Variants in CDH23 observed in about 807,000 individuals in gnomAD.
CDH23 encodes cadherin-23.
Under a neutral mutation model 317.1 loss-of-function variants are expected in CDH23, and 189 were observed. That is an observed-to-expected ratio of 0.60 (90% CI 0.53 to 0.67). The LOEUF (loss-of-function observed/expected upper bound fraction) is 0.67. CDH23 is among the 30% of genes least tolerant of loss of function. CDH23 has a pLI of 0.00. For synonymous variants in CDH23, 1,839 were observed against 1,876.8 expected (o/e 0.98, Z 0.52); for missense variants, 4,401 against 4,592.4 (o/e 0.96, Z 1.20).
At chr10:71,557,441 G>T (rs573008107) in intron 6 of CDH23, among the ~76,000 whole-genome samples, 9 of 152,206 alleles carry the variant, frequency 5.9e-5, no homozygotes, top group Admixed American at 5.9e-4. Flanking sequence ...TTGATGTGGG[G>T]TGGGCATTGG....
chr10:71,401,392 G>C (rs1847775443), intron 1 of CDH23, among the ~76,000 whole-genome samples: 1 of 152,186 alleles, frequency 6.6e-6, no homozygotes, highest in Non-Finnish European at 1.5e-5. Flanking sequence ...CACTAGTGGA[G>C]TAGTTGGTGC....
rs1222389445 is a variant in CDH23, at chr10:71,695,500, C to A, written c.2372C>A (p.Thr791Asn). The A allele has an allele frequency of 6.2e-7, 1 of 1,613,230 alleles. No homozygotes were observed. The highest frequency in any genetic ancestry group is 1.1e-5 in the South Asian group (1 of 91,074). The change falls in exon 22 of 70, where the codon ACC (threonine) becomes AAC (asparagine). Residue 791 changes from threonine (T) to asparagine (N), a missense_variant. This residue lies in a region of CDH23 where 3,068 missense variants were observed against 3,203.3 expected (regional missense o/e 0.96). Transcript: ENST00000224721. ...APYYINLVEM[T>N]PPDSDVTTVV... Reference sequence around the variant, plus strand: ...TACTACATCAACCTGGTGGAGATGACCCCTCCAGACTCTGATGTGACCACG... The same window carrying A: ...TACTACATCAACCTGGTGGAGATGAACCCTCCAGACTCTGATGTGACCACG...
chr10:71,427,205 G>GAAAGAAAGAAAGAAAGAA (rs1849126679), intron 1 of CDH23, among the ~76,000 whole-genome samples: 1 of 70,134 alleles, frequency 1.4e-5, no homozygotes, highest in African/African-American at 6.4e-5. Context: ...GAGAAAGAAA[G>GAAAGAAAGAAAGAAAGAA]AAAGAAAGAA....
intron 11 of CDH23, among the ~76,000 whole-genome samples, chr10:71,621,011 C>A (rs2132529081): frequency 6.6e-6 from 1 of 152,296 alleles, no homozygotes; most frequent in South Asian, 2.1e-4. Flanking sequence ...GAGGATCAGG[C>A]CCAGGGACCC....
chr10:71,605,058 A>C (rs1860449645), intron 9 of CDH23, among the ~76,000 whole-genome samples: 1 of 152,234 alleles, frequency 6.6e-6, no homozygotes, highest in Admixed American at 6.5e-5. Flanking sequence ...AACTTGGAAC[A>C]CAAAGACACA....
intron 4 of CDH23, among the ~76,000 whole-genome samples, 188 bp downstream of exon 4, chr10:71,510,412 T>C (rs889184665): frequency 1.3e-5 from 2 of 152,070 alleles, no homozygotes; most frequent in Non-Finnish European, 2.9e-5. Flanking sequence ...AGGGTTGGAA[T>C]GGGTGGCTAG....
At chr10:71,694,724 G>C (rs1049862470) in intron 21 of CDH23, among the ~76,000 whole-genome samples, 1 of 152,090 alleles carries the variant, frequency 6.6e-6, no homozygotes, top group Admixed American at 6.5e-5. Flanking sequence ...TGGGGGCCTC[G>C]AATGAGCTCT....
intron 9 of CDH23, among the ~76,000 whole-genome samples, chr10:71,604,412 C>T (rs543479211): frequency 2.0e-5 from 3 of 152,362 alleles, no homozygotes; most frequent in South Asian, 2.1e-4. Flanking sequence ...TGCCACGCAG[C>T]GGGCCCACAA....
rs1240463026 is a variant in CDH23, at chr10:71,397,490, C to T, written c.-6+172C>T. Reference sequence around the variant, plus strand: ...CGCGGCATCCTTCGGTCCCAGGCCCCTGGCCCTAGCCTCGCGCCCCGCTCC... The same window carrying T: ...CGCGGCATCCTTCGGTCCCAGGCCCTTGGCCCTAGCCTCGCGCCCCGCTCC... On this transcript the variant is annotated intron_variant, in intron 1 of 69. Coordinates refer to ENST00000224721, the MANE Select transcript of CDH23 (RefSeq NM_022124.6). This position sits in a 1 kb window ranked among gnomAD's most constrained non-coding sequence, Gnocchi z 4.8. Among the ~76,000 whole-genome samples, 1 of 151,050 alleles carries T rather than the reference C, an allele frequency of 6.6e-6. No homozygotes were observed. The highest frequency in any genetic ancestry group is 2.0e-4 in the East Asian group (1 of 4,982).
chr10:71,450,628 T>C (rs1445335974), intron 3 of CDH23, among the ~76,000 whole-genome samples: 1 of 152,152 alleles, frequency 6.6e-6, no homozygotes, highest in Non-Finnish European at 1.5e-5. Context: ...ACCACCTCTG[T>C]GTTGCTAAAT....
chr10:71,652,803 G>T (rs898927616), intron 14 of CDH23, among the ~76,000 whole-genome samples: 8 of 152,210 alleles, frequency 5.3e-5, no homozygotes, highest in African/African-American at 1.9e-4. Context: ...CTGTGGCCCT[G>T]CCTCAGGCAG....
At position 71,511,224 on chromosome 10, in the gene CDH23, T is replaced by TG. The variant is rs750842511; in HGVS notation, c.429+16dup. 9.6e-5 allele frequency: 155 copies of TG among 1,610,880 alleles called. No homozygotes were observed. In the East Asian group the frequency reaches 3.3e-3, roughly 34 times the overall value. On this transcript the variant is annotated intron_variant, in intron 6 of 69. Transcript: ENST00000224721. ...TCCGCATCCCTGAGGTAGGAGCCACTGGGGTTACCCTTGAGGGTATCAGAG... is the reference window on the plus strand; with the variant it reads ...TCCGCATCCCTGAGGTAGGAGCCACTGGGGGTTACCCTTGAGGGTATCAGAG...
At chr10:71,801,295 C>T (rs1247898514) in intron 53 of CDH23, among the ~76,000 whole-genome samples, 1 of 151,666 alleles carries the variant, frequency 6.6e-6, no homozygotes, top group East Asian at 1.9e-4. Flanking sequence ...GCTGGGATTA[C>T]AGGCATGCGC....
At chr10:71,692,870 G>A (rs1227079) in intron 20 of CDH23, among the ~76,000 whole-genome samples, 100,435 of 152,158 alleles carry the variant, frequency 0.66, 34,168 homozygotes, top group East Asian at 0.8. Flanking sequence ...GAATGCTCAC[G>A]GTCCATTGGA....
chr10:71,797,520 A>T (rs1205050650), intron 49 of CDH23, among the ~76,000 whole-genome samples: 1 of 152,210 alleles, frequency 6.6e-6, no homozygotes. Context: ...GATTGAGAAA[A>T]AATGGTTAGA....
chr10:71,538,559 T>C (rs1383394939), intron 6 of CDH23, among the ~76,000 whole-genome samples: 1 of 152,214 alleles, frequency 6.6e-6, no homozygotes, highest in East Asian at 1.9e-4. Flanking sequence ...TATTTTTTTT[T>C]CTGTTTCTCC....
chr10:71,653,084 A>T (rs1863253110), intron 14 of CDH23, among the ~76,000 whole-genome samples: 1 of 151,760 alleles, frequency 6.6e-6, no homozygotes, highest in Admixed American at 6.6e-5. Context: ...TCTCAGGAAG[A>T]TTCCCCAGGA....
chr10:71,802,325 T>A (rs1841578700), intron 53 of CDH23, among the ~76,000 whole-genome samples: 1 of 152,086 alleles, frequency 6.6e-6, no homozygotes, highest in South Asian at 2.1e-4. Flanking sequence ...TAAAATGAAG[T>A]CACTGCTGTC....
intron 38 of CDH23, among the ~76,000 whole-genome samples, chr10:71,759,854 C>CACACACATATATATACACACACACATAT (rs1554868480): frequency 2.1e-4 from 23 of 109,278 alleles, no homozygotes; most frequent in Non-Finnish European, 4.3e-4. Flanking sequence ...CACATATACA[C>CACACACATATATATACACACACACATAT]ACACACACAC....
Sources: gnomAD v4.1 joint callset for allele counts (sites outside exome capture counted in the v4.1 genomes callset) on GRCh38, gnomAD v4.1.1 for gene constraint, gnomAD v4.1.1 regional missense constraint, Gnocchi (gnomAD v3.1) non-coding constraint, MANE v1.5 for transcripts, NCBI Gene and HGNC (gene_info 2026-07-23, HGNC 2026-07-21) for gene names.